The following CHCHD6 variants were observed in gnomAD, a reference collection of about 807,000 sequenced individuals.
CHCHD6 encodes MICOS complex subunit MIC25.
A neutral mutation model predicts 32.3 loss-of-function variants in CHCHD6; 28 were observed. The ratio of observed to expected loss-of-function variants is 0.87; its 90% confidence interval spans 0.64 to 1.19. CHCHD6 has a LOEUF of 1.19. Ranked by LOEUF, CHCHD6 falls within the 50% of genes most tolerant of loss-of-function variation. The pLI is 0.00. For missense variants in CHCHD6, 333 were observed against 307.0 expected, an observed-to-expected ratio of 1.08 and a Z score of -0.63; for synonymous variants, 122 against 117.5, an observed-to-expected ratio of 1.04 and a Z score of -0.25.
intron 5 of CHCHD6, among the ~76,000 whole-genome samples, chr3:126,909,951 A>G (rs1419561577): frequency 1.3e-5 from 2 of 152,194 alleles, no homozygotes; most frequent in Non-Finnish European, 2.9e-5. Context: ...GCTGGATGCC[A>G]TCATCCACAC....
intron 4 of CHCHD6, among the ~76,000 whole-genome samples, chr3:126,844,212 T>C (rs1251643664): frequency 1.3e-5 from 2 of 152,242 alleles, no homozygotes; most frequent in Non-Finnish European, 2.9e-5. Flanking sequence ...TAGTGTTGTA[T>C]ACATGTCATT....
intron 1 of CHCHD6, among the ~76,000 whole-genome samples, chr3:126,706,233 G>A (rs1934481772): frequency 6.6e-6 from 1 of 152,064 alleles, no homozygotes; most frequent in Non-Finnish European, 1.5e-5. Context: ...CATGTTTTTT[G>A]AGTATTATAT....
intron 6 of CHCHD6, chr3:126,953,143 G>A (rs1205289854): frequency 1.0e-5 from 10 of 985,176 alleles, no homozygotes; most frequent in African/African-American, 1.7e-5. Context: ...CTGATGCACC[G>A]ACCACACAGT....
chr3:126,953,514 C>T (rs1049671873), intron 6 of CHCHD6, among the ~76,000 whole-genome samples: 3 of 152,210 alleles, frequency 2.0e-5, no homozygotes, highest in Admixed American at 1.3e-4. Context: ...CACCCCACTC[C>T]AGACCCTGGC....
At chr3:126,746,988 C>G (rs967122288) in intron 4 of CHCHD6, among the ~76,000 whole-genome samples, 1 of 152,132 alleles carries the variant, frequency 6.6e-6, no homozygotes, top group African/African-American at 2.4e-5. Flanking sequence ...TGAGGTGGCC[C>G]GGGAGTACTG....
At chr3:126,956,842 C>A (rs1256218971) in intron 6 of CHCHD6, among the ~76,000 whole-genome samples, 1 of 152,134 alleles carries the variant, frequency 6.6e-6, no homozygotes, top group Non-Finnish European at 1.5e-5. Flanking sequence ...GTAAAAAGAA[C>A]ATTTTTCATT....
At chr3:126,749,913 C>T (rs1284498354) in intron 4 of CHCHD6, among the ~76,000 whole-genome samples, 4 of 152,158 alleles carry the variant, frequency 2.6e-5, no homozygotes, top group Non-Finnish European at 4.4e-5. Context: ...TATGGGGGGA[C>T]AATTGGAAAT....
intron 4 of CHCHD6, among the ~76,000 whole-genome samples, chr3:126,821,175 T>C (rs1409141703): frequency 1.3e-5 from 2 of 152,254 alleles, no homozygotes; most frequent in African/African-American, 2.4e-5. Flanking sequence ...TTTTGATGGC[T>C]GAATAATATT....
chr3:126,937,238 C>T (rs112128546), intron 6 of CHCHD6, among the ~76,000 whole-genome samples: 51 of 152,258 alleles, frequency 3.3e-4, no homozygotes, highest in Middle Eastern at 3.2e-3. Context: ...CCACGCCATA[C>T]GGCCATTCAT....
chr3:126,719,516 A>G (rs1935180847), intron 1 of CHCHD6, among the ~76,000 whole-genome samples: 1 of 152,190 alleles, frequency 6.6e-6, no homozygotes, highest in Admixed American at 6.5e-5. Flanking sequence ...GATGTTGTGT[A>G]TGATAGGATG....
intron 4 of CHCHD6, among the ~76,000 whole-genome samples, chr3:126,824,742 G>A (rs1292332611): frequency 6.6e-6 from 1 of 151,100 alleles, no homozygotes; most frequent in Non-Finnish European, 1.5e-5. Context: ...CCACACTTGG[G>A]TAATTTTTGT....
chr3:126,902,543 T>C (rs1055654744), intron 5 of CHCHD6, among the ~76,000 whole-genome samples: 1 of 151,872 alleles, frequency 6.6e-6, no homozygotes, highest in Non-Finnish European at 1.5e-5. Context: ...GGTGAAACCC[T>C]GTCTCTACTA....
intron 4 of CHCHD6, among the ~76,000 whole-genome samples, chr3:126,763,799 A>G (rs907533516): frequency 1.3e-5 from 2 of 152,242 alleles, no homozygotes; most frequent in African/African-American, 4.8e-5. Context: ...AGAAGTTACC[A>G]GAGGCTATGG....
intron 6 of CHCHD6, among the ~76,000 whole-genome samples, chr3:126,929,114 G>A (rs1472428508): frequency 6.6e-6 from 1 of 152,206 alleles, no homozygotes; most frequent in African/African-American, 2.4e-5. Flanking sequence ...GCAGATATCT[G>A]AAGATAACTT....
intron 6 of CHCHD6, among the ~76,000 whole-genome samples, chr3:126,921,590 C>T (rs1427003440): frequency 6.6e-6 from 1 of 152,188 alleles, no homozygotes; most frequent in African/African-American, 2.4e-5. Context: ...CCTGGTCCCA[C>T]AGAGAGCCAG....
chr3:126,873,959 G>A (rs952161712), intron 5 of CHCHD6, among the ~76,000 whole-genome samples: 2 of 152,228 alleles, frequency 1.3e-5, no homozygotes, highest in African/African-American at 4.8e-5. Flanking sequence ...TGCCTCCATT[G>A]TTGAAGCTGT....
At chr3:126,716,544 A>G (rs1935026341) in intron 1 of CHCHD6, among the ~76,000 whole-genome samples, 1 of 151,870 alleles carries the variant, frequency 6.6e-6, no homozygotes, top group Admixed American at 6.6e-5. Flanking sequence ...TGGATGTCAT[A>G]TCTTTATATA....
At chr3:126,733,043 C>G in intron 3 of CHCHD6, 35 bp from the exon 4 acceptor site, 1 of 1,609,632 alleles carries the variant, frequency 6.2e-7, no homozygotes, top group Non-Finnish European at 8.5e-7. Context: ...GTCATGCCAT[C>G]CACATCTGTT....
chr3:126,760,442 C>T (rs951391222), intron 4 of CHCHD6, among the ~76,000 whole-genome samples: 15 of 152,118 alleles, frequency 9.9e-5, no homozygotes, highest in Admixed American at 3.9e-4. Context: ...TCTCCTTTTC[C>T]GGAACTTTTT....
Sources: allele counts gnomAD v4.1 joint callset (sites outside exome capture counted in the v4.1 genomes callset), GRCh38; gene constraint gnomAD v4.1.1; transcripts MANE v1.5; gene names NCBI Gene and HGNC (gene_info 2026-07-23, HGNC 2026-07-21).